Variants in CAPN11 observed in about 807,000 individuals in gnomAD.
CAPN11 encodes the protein calpain 11.
A neutral mutation model predicts 105.3 loss-of-function variants in CAPN11; 108 were observed. That is an observed-to-expected ratio of 1.03 (90% CI 0.88 to 1.20). The LOEUF (loss-of-function observed/expected upper bound fraction) is 1.20. CAPN11 is among the 50% of genes most tolerant of loss of function. The pLI is 0.00. For synonymous variants in CAPN11, 329 were observed against 344.5 expected (o/e 0.96, Z 0.50); for missense variants, 883 against 924.8 (o/e 0.95, Z 0.59).
intron 19 of CAPN11, 80 bp downstream of exon 19, chr6:44,181,400 A>G (rs1362873455): frequency 2.8e-6 from 3 of 1,067,204 alleles, no homozygotes; most frequent in African/African-American, 1.9e-5. Context: ...AGGGGAAGCT[A>G]GAACCCAAGC....
intron 12 of CAPN11, among the ~76,000 whole-genome samples, chr6:44,179,170 CTCTT>C (rs949868780): frequency 4.6e-5 from 7 of 152,122 alleles, no homozygotes; most frequent in African/African-American, 1.7e-4. Context: ...TTTATCCTAA[CTCTT>C]TCACTTTTCA....
chr6:44,169,428 T>C lies in CAPN11; in HGVS notation c.236T>C (p.Leu79Pro). Residue 79 changes from leucine (L) to proline (P), a missense_variant, in exon 3 of 23, where the codon CTC (leucine) becomes CCC (proline). By Grantham distance (98) the Leu-to-Pro change is moderately conservative. Transcript: ENST00000398776. ...LRAACLRKGE[L>P]FEDPLFPAEP... is the part of the protein sequence containing the mutation. Reference sequence around the variant, plus strand: ...GCAGCCTGTCTAAGAAAGGGGGAGCTCTTCGAGGACCCCTTATTCCCTGCT... The same window carrying C: ...GCAGCCTGTCTAAGAAAGGGGGAGCCCTTCGAGGACCCCTTATTCCCTGCT... 1 of 1,613,404 alleles carries C rather than the reference T, an allele frequency of 6.2e-7. No individual in the cohort carries two copies. Among genetic ancestry groups the C allele is most frequent in the Non-Finnish European group, 8.5e-7 (1 of 1,179,696 alleles).
intron 9 of CAPN11, 42 bp from the exon 10 acceptor site, chr6:44,176,539 T>C: frequency 2.6e-6 from 4 of 1,568,458 alleles, no homozygotes; most frequent in Non-Finnish European, 3.5e-6. Context: ...AGGTGCCACA[T>C]GACCTCCGCC....
At chr6:44,166,949 GC>G in intron 2 of CAPN11, 120 bp downstream of exon 2, 4 of 572,734 alleles carry the variant, frequency 7.0e-6, no homozygotes, top group Non-Finnish European at 9.5e-6. Context: ...GGGGAGGGCG[GC>G]GGGGGGAGGG....
intron 1 of CAPN11, among the ~76,000 whole-genome samples, chr6:44,161,585 C>A (rs183776396): frequency 6.6e-6 from 1 of 152,298 alleles, no homozygotes; most frequent in Admixed American, 6.5e-5. Flanking sequence ...TGACCTCACA[C>A]CCTGGGGACT....
intron 11 of CAPN11, 71 bp from the exon 12 acceptor site, chr6:44,177,171 T>A (rs1230493249): frequency 6.6e-7 from 1 of 1,509,198 alleles, no homozygotes; most frequent in East Asian, 2.4e-5. Context: ...CTGGGGAAGC[T>A]CGGTCCACCC....
rs1266325117 is a variant in CAPN11, at chr6:44,166,820, T to C, written c.79T>C (p.Ser27Pro). ...DGSQEDKPRG[S>P]CAEPTFTDTG... ...ATCACAGGAGGATAAGCCTCGGGGC[T>C]CATGTGCGGGTAGGACTGCAGACCC... The change falls in exon 2 of 23, where the codon TCA becomes CCA. Residue 27 changes from serine (S) to proline (P), a missense_variant. Coordinates refer to ENST00000398776, the MANE Select transcript of CAPN11 (RefSeq NM_007058.4). 2.6e-6 allele frequency: 4 copies of C among 1,551,334 alleles called. No homozygotes were observed. In the South Asian group the frequency reaches 4.8e-5, roughly 18 times the overall value.
chr6:44,167,523 A>T (rs1306591275), intron 2 of CAPN11, among the ~76,000 whole-genome samples: 10 of 142,438 alleles, frequency 7.0e-5, no homozygotes, highest in Admixed American at 3.5e-4. Context: ...AAAAAAAAAT[A>T]GCAGCATCTG....
At chr6:44,181,461 A>ACACACACACTCACATACACAACCACAC in intron 19 of CAPN11, 141 bp downstream of exon 19, 1 of 565,242 alleles carries the variant, frequency 1.8e-6, no homozygotes, top group Non-Finnish European at 3.1e-6. Context: ...ACACACACAC[A>ACACACACACTCACATACACAACCACAC]CACACACTCA....
chr6:44,159,145 C>T (rs1768237263), intron 1 of CAPN11, among the ~76,000 whole-genome samples: 1 of 152,094 alleles, frequency 6.6e-6, no homozygotes, highest in African/African-American at 2.4e-5. Flanking sequence ...AACTCTTTCT[C>T]CTCTCCACTG....
At chr6:44,177,476 C>A in intron 12 of CAPN11, 56 bp downstream of exon 12, 1 of 1,326,206 alleles carries the variant, frequency 7.5e-7, no homozygotes, top group East Asian at 2.4e-5. Flanking sequence ...GACCTCACTC[C>A]TTTCTTTCTT....
At chr6:44,179,765 G>A in intron 13 of CAPN11, 135 bp downstream of exon 13, 1 of 1,010,610 alleles carries the variant, frequency 9.9e-7, no homozygotes, top group South Asian at 1.3e-5. Flanking sequence ...GCCCTCTTCA[G>A]GGCTGGTAGG....
chr6:44,166,920 GAAGTCAGTCATGTTGT>G, intron 2 of CAPN11, 91 bp downstream of exon 2: 2 of 580,844 alleles, frequency 3.4e-6, no homozygotes, highest in Non-Finnish European at 6.2e-6. Context: ...GCTGGTGGGG[GAAGTCAGTCATGTTGT>G]GTGGGGAGGG....
intron 19 of CAPN11, among the ~76,000 whole-genome samples, chr6:44,181,537 TCA>T (rs1235653229): frequency 0.033 from 91 of 2,742 alleles, no homozygotes; most frequent in African/African-American, 0.061. Flanking sequence ...CACACCACAC[TCA>T]CACACACACA....
rs1406613187 is a variant in CAPN11, at chr6:44,173,078, G to A, written c.662+5G>A. 1.3e-5 allele frequency: 21 copies of A among 1,612,980 alleles called. No homozygotes were observed. Among genetic ancestry groups the A allele is most frequent in the Non-Finnish European group, 1.8e-5 (21 of 1,179,204 alleles). Reference sequence around the variant, plus strand: ...GCTGGAGAAGGCGTATGCCAAGTGAGTGCTGGGAGCTGAGGAAGGGGGCTT... The same window carrying A: ...GCTGGAGAAGGCGTATGCCAAGTGAATGCTGGGAGCTGAGGAAGGGGGCTT... On this transcript the variant is annotated splice_donor_5th_base_variant and intron_variant, in intron 6 of 22. Transcript: ENST00000398776.
chr6:44,181,148 C>T, intron 18 of CAPN11, 104 bp from the exon 19 acceptor site: 1 of 1,233,110 alleles, frequency 8.1e-7, no homozygotes, highest in Non-Finnish European at 1.2e-6. Context: ...TGCTACAGTA[C>T]CGGAACCCCA....
At chr6:44,169,006 C>T (rs760187068) in intron 2 of CAPN11, 5 of 495,596 alleles carry the variant, frequency 1.0e-5, no homozygotes, top group Non-Finnish European at 2.0e-5. Flanking sequence ...CCTCAAACTG[C>T]CACAGCCTCG....
Position 44,180,815 on chromosome 6 carries a change from C to T in CAPN11, c.1804+10C>T, listed in dbSNP as rs749932713. 1 of 1,613,306 alleles carries T rather than the reference C, an allele frequency of 6.2e-7. No individual in the cohort carries two copies. The highest frequency in any genetic ancestry group is 1.7e-5 in the Admixed American group (1 of 59,994). Reference sequence around the variant, plus strand: ...AGGATGGCCATCAAATGTGAGTCTTCCACTCCTGCTGCACACGACCCCTCC... The same window carrying T: ...AGGATGGCCATCAAATGTGAGTCTTTCACTCCTGCTGCACACGACCCCTCC... On this transcript the variant is annotated intron_variant, in intron 17 of 22. Coordinates refer to ENST00000398776, the MANE Select transcript of CAPN11 (RefSeq NM_007058.4).
At chr6:44,173,195 C>T (rs1479159908) in intron 6 of CAPN11, 23 bp from the exon 7 acceptor site, 1 of 1,612,862 alleles carries the variant, frequency 6.2e-7, no homozygotes, top group Non-Finnish European at 8.5e-7. Flanking sequence ...TAGAGCCCAA[C>T]AGTGCCTTCT....
Sources: allele counts gnomAD v4.1 joint callset (sites outside exome capture counted in the v4.1 genomes callset), GRCh38; gene constraint gnomAD v4.1.1; transcripts MANE v1.5; gene names NCBI Gene and HGNC (gene_info 2026-07-23, HGNC 2026-07-21).